The following HAPLN1 variants were observed in gnomAD, a reference collection of about 807,000 sequenced individuals.
The protein encoded by HAPLN1 is Cartilage link protein.
Under a neutral mutation model 36.5 loss-of-function variants are expected in HAPLN1, and 13 were observed. That is an observed-to-expected ratio of 0.36 (90% CI 0.23 to 0.57). The LOEUF is 0.57. Among genes scored for constraint, HAPLN1 ranks in the 20% least tolerant of loss-of-function variants. The probability of loss-of-function intolerance (pLI) is 0.83; values close to 1 mark genes in which losing one functional copy is unlikely to be tolerated. For missense variants in HAPLN1, 407 were observed against 439.7 expected (o/e 0.93, Z 0.66); for synonymous variants, 202 against 169.8 (o/e 1.19, Z -1.48).
At chr5:83,670,257 T>C (rs555638421) in intron 2 of HAPLN1, among the ~76,000 whole-genome samples, 2 of 152,278 alleles carry the variant, frequency 1.3e-5, no homozygotes, top group East Asian at 3.9e-4. Context: ...CCTAATGGTC[T>C]CAAGTTTCAA....
chr5:83,678,375 C>T (rs1750913360), intron 1 of HAPLN1, among the ~76,000 whole-genome samples: 1 of 152,100 alleles, frequency 6.6e-6, no homozygotes, highest in African/African-American at 2.4e-5. Flanking sequence ...ATTGTTGCTA[C>T]ATTTATAAGA....
At chr5:83,646,311 CA>C (rs1331815995) in intron 3 of HAPLN1, among the ~76,000 whole-genome samples, 1 of 152,184 alleles carries the variant, frequency 6.6e-6, no homozygotes, top group East Asian at 1.9e-4. Context: ...ATCTGGAATG[CA>C]AACATTTGTC....
intron 1 of HAPLN1, among the ~76,000 whole-genome samples, chr5:83,687,229 C>T (rs1344987147): frequency 6.6e-6 from 1 of 152,140 alleles, no homozygotes; most frequent in Non-Finnish European, 1.5e-5. Context: ...CAAATTTTCT[C>T]TCAGTATATA....
At chr5:83,677,912 A>G (rs1750895865) in intron 1 of HAPLN1, among the ~76,000 whole-genome samples, 1 of 152,216 alleles carries the variant, frequency 6.6e-6, no homozygotes, top group African/African-American at 2.4e-5. Context: ...TTCAGGAGTC[A>G]CTTCCCAGCA....
At position 83,652,667 on chromosome 5, in the gene HAPLN1, C is replaced by A; in HGVS notation, c.258G>T (p.Ser86=). 6.2e-7 allele frequency: 1 copy of A among 1,613,986 alleles called. No homozygotes were observed. The highest frequency in any genetic ancestry group is 8.5e-7 in the Non-Finnish European group (1 of 1,179,972). ...AAACATCCACTTCCTTGAGGTAATCCGAAGTTAGCTTGGTCCACTTAATTC... is the reference window on the plus strand; with the variant it reads ...AAACATCCACTTCCTTGAGGTAATCAGAAGTTAGCTTGGTCCACTTAATTC... The part of the protein sequence containing the change: ...KIRIKWTKLT[S]DYLKEVDVFV... Residue 86 remains serine, a synonymous_variant, in exon 3 of 5, where the codon TCG becomes TCT. Coordinates refer to ENST00000274341, the MANE Select transcript of HAPLN1 (RefSeq NM_001884.4).
At chr5:83,710,173 C>G (rs1057291274) in intron 1 of HAPLN1, among the ~76,000 whole-genome samples, 1 of 152,064 alleles carries the variant, frequency 6.6e-6, no homozygotes, top group African/African-American at 2.4e-5. Flanking sequence ...CAGTGTGATG[C>G]ATGGACGTAG....
chr5:83,716,292 G>A (rs938683849), intron 1 of HAPLN1, among the ~76,000 whole-genome samples: 1 of 152,180 alleles, frequency 6.6e-6, no homozygotes, highest in Non-Finnish European at 1.5e-5. Flanking sequence ...CTTTTTGGAT[G>A]TTAGATTGGG....
intron 2 of HAPLN1, among the ~76,000 whole-genome samples, chr5:83,662,246 A>G (rs988941824): frequency 2.0e-5 from 3 of 152,196 alleles, no homozygotes; most frequent in African/African-American, 4.8e-5. Flanking sequence ...GCTAAATGAG[A>G]TGACCCAGGT....
chr5:83,709,873 AAG>A (rs1449609493), intron 1 of HAPLN1, among the ~76,000 whole-genome samples: 1 of 152,218 alleles, frequency 6.6e-6, no homozygotes, highest in Admixed American at 6.5e-5. Context: ...GGAATTCAGT[AAG>A]AGAGGATGAT....
intron 1 of HAPLN1, among the ~76,000 whole-genome samples, chr5:83,679,067 T>C (rs1433251903): frequency 6.6e-6 from 1 of 152,200 alleles, no homozygotes; most frequent in Non-Finnish European, 1.5e-5. Context: ...ACCAACATAT[T>C]TGAGTGATAT....
At chr5:83,720,622 C>CT in intron 1 of HAPLN1, among the ~76,000 whole-genome samples, 167 bp downstream of exon 1, 1 of 152,246 alleles carries the variant, frequency 6.6e-6, no homozygotes, top group Non-Finnish European at 1.5e-5. Context: ...CAATATGAAA[C>CT]TTTTTTAAAA....
chr5:83,647,026 T>G (rs1465162304), intron 3 of HAPLN1, among the ~76,000 whole-genome samples: 2 of 152,214 alleles, frequency 1.3e-5, no homozygotes, highest in Non-Finnish European at 2.9e-5. Flanking sequence ...TATTTTAATT[T>G]ATACTAATTT....
intron 4 of HAPLN1, 133 bp downstream of exon 4, chr5:83,644,230 T>C: frequency 1.4e-6 from 1 of 727,692 alleles, no homozygotes; most frequent in East Asian, 3.3e-5. Flanking sequence ...TTATATCTTT[T>C]TAAACTACAG....
At chr5:83,709,674 A>T (rs10079821) in intron 1 of HAPLN1, among the ~76,000 whole-genome samples, 40,930 of 152,088 alleles carry the variant, frequency 0.27, 6,141 homozygotes, top group Non-Finnish European at 0.34. Flanking sequence ...CCAGGTCACT[A>T]AGAACCTTGC....
At chr5:83,661,637 G>A (rs1191825513) in intron 2 of HAPLN1, among the ~76,000 whole-genome samples, 2 of 151,806 alleles carry the variant, frequency 1.3e-5, no homozygotes, top group Non-Finnish European at 2.9e-5. Context: ...GTAGAGACGG[G>A]GTTTCACCGT....
At chr5:83,689,690 GA>G (rs985778638) in intron 1 of HAPLN1, among the ~76,000 whole-genome samples, 6 of 152,008 alleles carry the variant, frequency 3.9e-5, no homozygotes, top group East Asian at 1.9e-4. Context: ...GAAAGGGAGA[GA>G]TTTTTTTATT....
rs201419970 is a variant in HAPLN1, at chr5:83,652,415, G to A, written c.472+38C>T. On this transcript the variant is annotated intron_variant, in intron 3 of 4. Coordinates refer to ENST00000274341, the MANE Select transcript of HAPLN1 (RefSeq NM_001884.4). ...CATGAAAAAAAAAGCAACTATTAATGACCATTTATACGTTGAACATGACTT... is the reference window on the plus strand; with the variant it reads ...CATGAAAAAAAAAGCAACTATTAATAACCATTTATACGTTGAACATGACTT... The A allele has an allele frequency of 2.1e-4, 329 of 1,553,740 alleles. 1 individual carries two copies. In the Middle Eastern group the frequency reaches 6.1e-3, roughly 29 times the overall value.
At chr5:83,652,262 A>G (rs1750085106) in intron 3 of HAPLN1, 191 bp downstream of exon 3, 4 of 528,404 alleles carry the variant, frequency 7.6e-6, no homozygotes, top group Non-Finnish European at 1.3e-5. Context: ...GCACATAAGC[A>G]TTGTGTATGC....
chr5:83,641,720 T>G lies in HAPLN1; in HGVS notation c.841A>C (p.Asn281His), dbSNP rs146512515. Residue 281 changes from asparagine (N) to histidine (H), a missense_variant, in exon 5 of 5, where the codon AAT becomes CAT. Physicochemically the swap from Asn to His is moderately conservative, Grantham distance 68 (BLOSUM62 1). Coordinates refer to ENST00000274341, the MANE Select transcript of HAPLN1 (RefSeq NM_001884.4). ...ACTTTTGCAATCTGAGCACCATCATTGAGACAAGCTTGCACCGCTTCATCA... is the reference window on the plus strand; with the variant it reads ...ACTTTTGCAATCTGAGCACCATCATGGAGACAAGCTTGCACCGCTTCATCA... ...TYDEAVQACL[N>H]DGAQIAKVGQ... is the part of the protein sequence containing the mutation. The G allele has an allele frequency of 6.2e-7, 1 of 1,614,140 alleles. No individual in the cohort carries two copies. Among genetic ancestry groups the G allele is most frequent in the Non-Finnish European group, 8.5e-7 (1 of 1,180,026 alleles).
Sources: gnomAD v4.1 joint callset for allele counts (sites outside exome capture counted in the v4.1 genomes callset) on GRCh38, gnomAD v4.1.1 for gene constraint, MANE v1.5 for transcripts, NCBI Gene and HGNC (gene_info 2026-07-23, HGNC 2026-07-21) for gene names.